RASA3: variants seen among roughly 807,000 people sequenced by gnomAD.
The protein encoded by RASA3 is ras GTPase-activating protein 3.
In RASA3, 73 loss-of-function variants were observed where a neutral mutation model predicts 110.0. The ratio of observed to expected loss-of-function variants is 0.66; its 90% CI spans 0.55 to 0.81. The LOEUF (loss-of-function observed/expected upper bound fraction) is 0.81. Ranked by LOEUF, RASA3 falls within the 30% of genes least tolerant of loss-of-function variation. The pLI is 0.00. For synonymous variants in RASA3, 500 were observed against 451.4 expected (o/e 1.11, Z -1.37); for missense variants, 976 against 1,113.2 (o/e 0.88, Z 1.75).
Position 114,017,339 on chromosome 13 carries a change from G to C in RASA3, c.1104C>G (p.Thr368=), listed in dbSNP as rs763387976. 2 of 1,613,826 alleles carry C rather than the reference G, an allele frequency of 1.2e-6. No individual in the cohort carries two copies. The highest frequency in any genetic ancestry group is 1.7e-5 in the Admixed American group (1 of 60,028). Residue 368 remains threonine (T), a synonymous_variant, in exon 12 of 24, where the codon ACC becomes ACG. Transcript: ENST00000334062. ...ACGCCAGTGAGTTTCCTCGGAAGAT[G>C]GTGTTGGGGTCCCTGGGAAATGGCG... The part of the protein sequence containing the change: ...AEVKRTQDPN[T]IFRGNSLASK...
chr13:113,981,637 C>A, intron 23 of RASA3, 38 bp downstream of exon 23: 2 of 1,603,066 alleles, frequency 1.2e-6, no homozygotes, highest in South Asian at 1.1e-5. Flanking sequence ...CCGCCCACTA[C>A]ACTGGCCGTC....
intron 2 of RASA3, among the ~76,000 whole-genome samples, chr13:114,062,249 G>A (rs1037998027): frequency 6.6e-6 from 1 of 151,730 alleles, no homozygotes; most frequent in South Asian, 2.1e-4. Flanking sequence ...ACATGCATAG[G>A]AAAGAATGCT....
intron 2 of RASA3, among the ~76,000 whole-genome samples, chr13:114,061,856 T>G (rs1277497566): frequency 6.6e-6 from 1 of 152,142 alleles, no homozygotes; most frequent in Non-Finnish European, 1.5e-5. Flanking sequence ...AGCCGTCACC[T>G]GTGCTTGCGG....
chr13:114,078,142 G>A (rs1318431166), intron 1 of RASA3, among the ~76,000 whole-genome samples: 4 of 152,206 alleles, frequency 2.6e-5, no homozygotes, highest in Non-Finnish European at 4.4e-5. Flanking sequence ...TCGCCCCGGG[G>A]CCTCGCCGTG....
At chr13:114,002,241 C>T (rs903094337) in intron 18 of RASA3, among the ~76,000 whole-genome samples, 3 of 152,218 alleles carry the variant, frequency 2.0e-5, no homozygotes, top group Admixed American at 1.3e-4. Flanking sequence ...GAAAGAGGGG[C>T]TTTGAGCAGC....
At chr13:114,055,642 T>C (rs2079231424) in intron 2 of RASA3, among the ~76,000 whole-genome samples, 1 of 152,240 alleles carries the variant, frequency 6.6e-6, no homozygotes, top group Non-Finnish European at 1.5e-5. Flanking sequence ...CTGTACGTCC[T>C]AGAGCAACTT....
intron 1 of RASA3, among the ~76,000 whole-genome samples, chr13:114,099,470 C>G (rs375391361): frequency 6.6e-6 from 1 of 151,754 alleles, no homozygotes; most frequent in African/African-American, 2.4e-5. Flanking sequence ...CCGGGGTGTC[C>G]GGGAATGACT....
Position 114,113,669 on chromosome 13 carries a change from T to C in RASA3, c.55+18766A>G, listed in dbSNP as rs530692499. On this transcript the variant is annotated intron_variant, in intron 1 of 23. Coordinates refer to ENST00000334062, the MANE Select transcript of RASA3 (RefSeq NM_007368.4). ...ACCGCGTCCATCAGTCCACCCACCA[T>C]GGCGAGTGATGTCCGTACAGCTCAC... Among the ~76,000 whole-genome samples, 550 of 107,458 alleles carry C rather than the reference T, an allele frequency of 5.1e-3. 7 individuals are homozygous for C. Among genetic ancestry groups the C allele is most frequent in the African/African-American group, 0.018 (473 of 26,336 alleles). The allele number at this position is 107,458 out of a possible 152,430, so 70.5% of individuals were successfully genotyped here. A position where few individuals can be genotyped will look rare whatever the true frequency, so the allele number is the denominator to read the frequency against.
intron 3 of RASA3, among the ~76,000 whole-genome samples, chr13:114,051,721 C>T (rs1323773218): frequency 6.6e-6 from 1 of 152,068 alleles, no homozygotes; most frequent in East Asian, 1.9e-4. Context: ...GCCCCACATC[C>T]ATGCAAAGGT....
At chr13:114,040,420 G>A (rs2054375286) in intron 4 of RASA3, among the ~76,000 whole-genome samples, 1 of 21,210 alleles carries the variant, frequency 4.7e-5, no homozygotes, top group Non-Finnish European at 8.1e-5. Context: ...GGCAGAGACC[G>A]CGCTCACTCC....
Position 113,982,131 on chromosome 13 carries a change from T to A in RASA3, c.2246-273A>T, listed in dbSNP as rs556734585. Among the ~76,000 whole-genome samples, 6 of 152,274 alleles carry A rather than the reference T, an allele frequency of 3.9e-5. No individual in the cohort carries two copies. The East Asian group carries it at 1.2e-3, about 29-fold the overall frequency. ...CTCTGAGGGCTCTGCTGCCCCTAGC[T>A]CCCAGCCTTGTCACCAATCAGCCAT... On this transcript the variant is annotated intron_variant, in intron 22 of 23. Transcript: ENST00000334062.
intron 1 of RASA3, among the ~76,000 whole-genome samples, chr13:114,079,929 G>A (rs985060866): frequency 3.9e-5 from 6 of 152,294 alleles, no homozygotes; most frequent in East Asian, 1.9e-4. Context: ...GGGGGGCCCC[G>A]AGGCAGGGGA....
chr13:113,979,184 G>T lies in RASA3; in HGVS notation c.*163C>A. 3.1e-6 allele frequency: 2 copies of T among 652,744 alleles called. No individual in the cohort carries two copies. The highest frequency in any genetic ancestry group is 5.4e-6 in the Non-Finnish European group (2 of 372,164). The allele number at this position is 652,744 out of a possible 1,614,324, so 40.4% of individuals were successfully genotyped here. A position where few individuals can be genotyped will look rare whatever the true frequency, so the allele number is the denominator to read the frequency against. ...TTCTGCGGAGGGCGTGGCGGTGGTGGCAGCGGTTCTGGGAGAGGGAAACCC... is the reference window on the plus strand; with the variant it reads ...TTCTGCGGAGGGCGTGGCGGTGGTGTCAGCGGTTCTGGGAGAGGGAAACCC... On this transcript the variant is annotated 3_prime_UTR_variant, in exon 24 of 24. Transcript: ENST00000334062.
At position 114,013,156 on chromosome 13, in the gene RASA3, T is replaced by C. The variant is rs776532322; in HGVS notation, c.1498A>G (p.Thr500Ala). Reference protein sequence around the residue: ...AILSPNLFQLTPHHTDPQTSR... With the variant: ...AILSPNLFQLAPHHTDPQTSR... Reference sequence around the variant, plus strand: ...CGGTCACTCACCGTGTGGTGCGGCGTGAGCTGGAAGAGGTTGGGGGAGAGA... The same window carrying C: ...CGGTCACTCACCGTGTGGTGCGGCGCGAGCTGGAAGAGGTTGGGGGAGAGA... Residue 500 changes from threonine to alanine, a missense_variant, in exon 15 of 24, where the codon ACG (threonine) becomes GCG (alanine). Physicochemically the swap from Thr to Ala is moderately conservative, Grantham distance 58. Around this residue, in one of 4 missense-constraint regions of RASA3, gnomAD observed 732 missense variants for 779.7 expected, o/e 0.94. Transcript: ENST00000334062. 2 of 1,613,074 alleles carry C rather than the reference T, an allele frequency of 1.2e-6. No homozygotes were observed.
rs758896289 is a variant in RASA3, at chr13:113,981,704, G to A, written c.2400C>T (p.Asp800=). Residue 800 remains aspartate (D), a synonymous_variant, in exon 23 of 24, where the codon GAC becomes GAT. Transcript: ENST00000334062. Reference sequence around the variant, plus strand: ...TTCCATATTTCGTCTTCTTGAACTTGTCCCTCTTATACTGGGCGTGCTCCT... The same window carrying A: ...TTCCATATTTCGTCTTCTTGAACTTATCCCTCTTATACTGGGCGTGCTCCT... ...LEQEHAQYKR[D]KFKKTKYGSQ... is the part of the protein sequence containing the mutation. 9 of 1,613,752 alleles carry A rather than the reference G, an allele frequency of 5.6e-6. No individual in the cohort carries two copies. The East Asian group carries it at 1.8e-4, about 32-fold the overall frequency.
chr13:113,994,800 G>A lies in RASA3; in HGVS notation c.2141+1731C>T, dbSNP rs568289386. ...AGTCTGGGCAACGTGGTGAAACCCC[G>A]TTTCTACAAAAAACCTTAAAACAAT... On this transcript the variant is annotated intron_variant, in intron 21 of 23. Coordinates refer to ENST00000334062, the MANE Select transcript of RASA3 (RefSeq NM_007368.4). 3.9e-5 allele frequency among the ~76,000 whole-genome samples: 6 copies of A among 152,270 alleles called. No individual in the cohort carries two copies. The South Asian group carries it at 1.0e-3, about 26-fold the overall frequency.
chr13:113,981,191 G>A (rs781058165), intron 23 of RASA3, among the ~76,000 whole-genome samples: 5 of 152,180 alleles, frequency 3.3e-5, no homozygotes, highest in Admixed American at 6.5e-5. Context: ...TTAGCTAAGC[G>A]CCACCTAGCC....
At position 114,097,961 on chromosome 13, in the gene RASA3, G is replaced by C. The variant is rs2079967573; in HGVS notation, c.56-24124C>G. On this transcript the variant is annotated intron_variant, in intron 1 of 23. Coordinates refer to ENST00000334062, the MANE Select transcript of RASA3 (RefSeq NM_007368.4). ...GGGGGTCCAGGGAGACCACCAGCGA[G>C]AGAGTGGATACCCCTGGGAACAAAG... 2.6e-5 allele frequency among the ~76,000 whole-genome samples: 4 copies of C among 152,204 alleles called. No individual in the cohort carries two copies. The South Asian group carries it at 8.3e-4, about 31-fold the overall frequency.
intron 1 of RASA3, among the ~76,000 whole-genome samples, chr13:114,104,053 G>A (rs1313545753): frequency 1.1e-4 from 3 of 27,944 alleles, no homozygotes; most frequent in African/African-American, 1.4e-4. Context: ...ATGCGTCCAT[G>A]CTGCCACGGC....
Sources: gnomAD v4.1 joint callset for allele counts (sites outside exome capture counted in the v4.1 genomes callset) on GRCh38, gnomAD v4.1.1 for gene constraint, gnomAD v4.1.1 regional missense constraint, MANE v1.5 for transcripts, NCBI Gene and HGNC (gene_info 2026-07-23, HGNC 2026-07-21) for gene names.